Variants in PCDHGA8 observed in about 807,000 individuals in gnomAD.
PCDHGA8 encodes protocadherin gamma-A8.
Under a neutral mutation model 59.2 loss-of-function variants are expected in PCDHGA8, and 45 were observed. The observed-to-expected ratio is 0.76, with a 90% confidence interval of 0.60 to 0.98. The LOEUF (loss-of-function observed/expected upper bound fraction) is 0.98, where lower values mean the gene tolerates loss of function less well. Among genes scored for constraint, PCDHGA8 ranks in the 50% least tolerant of loss-of-function variants. The pLI, the probability that PCDHGA8 is intolerant of heterozygous loss-of-function variation, is 0.00. For missense variants in PCDHGA8, 1,257 were observed against 1,196.2 expected (o/e 1.05, Z -0.75); for synonymous variants, 531 against 519.0 (o/e 1.02, Z -0.32).
chr5:141,492,908 A>G (rs1595151443), intron 1 of PCDHGA8, among the ~76,000 whole-genome samples: 2 of 152,302 alleles, frequency 1.3e-5, no homozygotes, highest in African/African-American at 4.8e-5. Context: ...TCGTGATCAC[A>G]ATGTGCCCAG....
chr5:141,471,046 C>CTT (rs1170588345), intron 1 of PCDHGA8, among the ~76,000 whole-genome samples: 26 of 113,248 alleles, frequency 2.3e-4, no homozygotes, highest in Non-Finnish European at 3.0e-4. Context: ...CCCAAGCCCT[C>CTT]TTTTTTTTTT....
At chr5:141,475,448 G>C (rs774710049) in intron 1 of PCDHGA8, among the ~76,000 whole-genome samples, 1 of 152,214 alleles carries the variant, frequency 6.6e-6, no homozygotes, top group African/African-American at 2.4e-5. Context: ...CAGATAATGA[G>C]GAAGTGACAG....
At chr5:141,509,692 C>T (rs755446680) in intron 3 of PCDHGA8, among the ~76,000 whole-genome samples, 8 of 152,126 alleles carry the variant, frequency 5.3e-5, no homozygotes, top group Non-Finnish European at 1.0e-4. Context: ...TACAGTGGGA[C>T]GTTGGACTGG....
At chr5:141,500,227 G>T (rs959087347) in intron 2 of PCDHGA8, among the ~76,000 whole-genome samples, 15 of 116,224 alleles carry the variant, frequency 1.3e-4, no homozygotes, top group African/African-American at 2.9e-4. Context: ...TTTATTTATT[G>T]ATACGTAGCC....
At chr5:141,475,583 G>A (rs1181419200) in intron 1 of PCDHGA8, among the ~76,000 whole-genome samples, 1 of 152,198 alleles carries the variant, frequency 6.6e-6, no homozygotes, top group Non-Finnish European at 1.5e-5. Context: ...CAGATTTGTT[G>A]GTGTTTTTCC....
In PCDHGA8 at chr5:141,398,686, G is replaced by A. The variant is rs2093688431; in HGVS notation, c.2424+3449G>A. On this transcript the variant is annotated intron_variant, in intron 1 of 3. Coordinates refer to ENST00000398604, the MANE Select transcript of PCDHGA8 (RefSeq NM_032088.2). ...CTCATTAATAATTAAGGAGAAACAG[G>A]ATGGTAGTAAATACCCGGAACTGGC... 3 of 1,613,920 alleles carry A rather than the reference G, an allele frequency of 1.9e-6. No individual in the cohort carries two copies. The East Asian group carries it at 6.7e-5, about 36-fold the overall frequency.
chr5:141,505,345 G>A (rs776607130), intron 2 of PCDHGA8, 48 bp from the exon 3 acceptor site: 13 of 1,613,086 alleles, frequency 8.1e-6, no homozygotes, highest in Non-Finnish European at 1.1e-5. Flanking sequence ...AGGGGCATGA[G>A]CTGTGCCGGC....
At chr5:141,400,999 TCCTA>T (rs1239504565) in intron 1 of PCDHGA8, among the ~76,000 whole-genome samples, 2 of 152,226 alleles carry the variant, frequency 1.3e-5, no homozygotes, top group African/African-American at 2.4e-5. Flanking sequence ...GCTTTCTTAT[TCCTA>T]CCTAATGGAT....
chr5:141,453,067 C>A (rs1227122711), intron 1 of PCDHGA8, among the ~76,000 whole-genome samples: 1 of 152,024 alleles, frequency 6.6e-6, no homozygotes, highest in African/African-American at 2.4e-5. Context: ...AGAGTTTTGC[C>A]ACACTCTGGT....
In PCDHGA8 at chr5:141,511,539, C is replaced by CGAGAT; in HGVS notation, c.*366_*367insGAGAT. 3.0e-6 allele frequency: 1 copy of CGAGAT among 328,342 alleles called. No individual in the cohort carries two copies. Among genetic ancestry groups the CGAGAT allele is most frequent in the South Asian group, 3.2e-5 (1 of 31,708 alleles). 20.3% of individuals were successfully genotyped at this position (328,342 alleles called of 1,614,324 possible). On this transcript the variant is annotated 3_prime_UTR_variant, in exon 4 of 4. Transcript: ENST00000398604. ...CATCCCATGCCTCCCTCCTCCCCAC[C>CGAGAT]CCACTCCAACAGTTCCTCTTTCCCG...
At chr5:141,409,063 C>A (rs988950366) in intron 1 of PCDHGA8, 2 of 1,613,860 alleles carry the variant, frequency 1.2e-6, no homozygotes, top group African/African-American at 2.7e-5. Flanking sequence ...CTGCCCAGAG[C>A]ACAAAACATA....
rs2233603 is a variant in PCDHGA8 at position 141,490,063 on chromosome 5, G to A, written c.2425-4744G>A. 1,259 of 1,614,208 alleles carry A rather than the reference G, an allele frequency of 7.8e-4. 6 individuals carry two copies. The African/African-American group carries it at 0.013, about 16-fold the overall frequency. On this transcript the variant is annotated intron_variant, in intron 1 of 3. Transcript: ENST00000398604. The surrounding 1 kb of genome is among the most constrained non-coding windows in gnomAD (Gnocchi z 5.4). ...CACTGATCCAGACGAGGGCACCAAC[G>A]GCCAACTAGACTATTCTTTTGGAGA...
At chr5:141,461,740 G>A (rs770518286) in intron 1 of PCDHGA8, among the ~76,000 whole-genome samples, 4 of 152,072 alleles carry the variant, frequency 2.6e-5, no homozygotes, top group Non-Finnish European at 2.9e-5. Context: ...GCACAATCCC[G>A]GCTCCCAGAT....
intron 1 of PCDHGA8, chr5:141,413,356 C>T: frequency 6.2e-7 from 1 of 1,613,962 alleles, no homozygotes; most frequent in South Asian, 1.1e-5. Context: ...TCTGGCGCCC[C>T]GGGAGCTGGC....
At chr5:141,399,512 C>T (rs2093823931) in intron 1 of PCDHGA8, 1 of 1,614,044 alleles carries the variant, frequency 6.2e-7, no homozygotes, top group East Asian at 2.2e-5. Context: ...GAAAACAACC[C>T]TCCTGGGGCC....
intron 1 of PCDHGA8, chr5:141,403,328 A>G: frequency 1.8e-5 from 29 of 1,613,998 alleles, no homozygotes; most frequent in Non-Finnish European, 2.4e-5. Context: ...AGTAACTGAT[A>G]TTAACGACAG....
chr5:141,395,542 TTGTGTGTGTG>T lies in PCDHGA8; in HGVS notation c.2424+345_2424+354del, dbSNP rs55729045. 945 of 172,430 alleles carry T rather than the reference TTGTGTGTGTG, an allele frequency of 5.5e-3. 2 individuals carry two copies. The highest frequency in any genetic ancestry group is 0.011 in the African/African-American group (192 of 17,544). 10.7% of individuals were successfully genotyped at this position (172,430 alleles called of 1,614,324 possible). A position where few individuals can be genotyped will look rare whatever the true frequency, so the allele number is the denominator to read the frequency against. On this transcript the variant is annotated intron_variant, in intron 1 of 3. Coordinates refer to ENST00000398604, the MANE Select transcript of PCDHGA8 (RefSeq NM_032088.2). ...TCCATACTGGTAATTTTGCTATTGT[TTGTGTGTGTG>T]TGTGTGTGTGTGTGTGTGTGTGTGT...
At chr5:141,505,106 G>A (rs934779049) in intron 2 of PCDHGA8, among the ~76,000 whole-genome samples, 1 of 152,188 alleles carries the variant, frequency 6.6e-6, no homozygotes, top group Non-Finnish European at 1.5e-5. Context: ...ATGTTGCAAT[G>A]AGCCAAGATC....
intron 1 of PCDHGA8, among the ~76,000 whole-genome samples, chr5:141,463,489 C>T (rs1190438683): frequency 7.2e-6 from 1 of 138,270 alleles, no homozygotes; most frequent in African/African-American, 2.8e-5. Context: ...CGCTCTGTCA[C>T]CCAGGCTGGA....
Sources: gnomAD v4.1 joint callset for allele counts (sites outside exome capture counted in the v4.1 genomes callset) on GRCh38, gnomAD v4.1.1 for gene constraint, Gnocchi (gnomAD v3.1) non-coding constraint, MANE v1.5 for transcripts, NCBI Gene and HGNC (gene_info 2026-07-23, HGNC 2026-07-21) for gene names.